Variants in MTMR7 observed in about 807,000 individuals in gnomAD.
MTMR7 encodes the protein myotubularin related protein 7, also known as phosphatidylinositol-3-phosphate phosphatase MTMR7.
A neutral mutation model predicts 81.2 loss-of-function variants in MTMR7; 76 were observed. That is an observed-to-expected ratio of 0.94 (90% confidence interval 0.78 to 1.13). The LOEUF is 1.13. Among genes scored for constraint, MTMR7 ranks in the 50% most tolerant of loss-of-function variants. The pLI is 0.00. For synonymous variants in MTMR7, 372 were observed against 289.8 expected, an observed-to-expected ratio of 1.28 and a Z score of -2.88; for missense variants, 1,044 against 820.0, an observed-to-expected ratio of 1.27 and a Z score of -3.34.
chr8:17,316,438 C>CAG (rs1178470341), intron 7 of MTMR7, among the ~76,000 whole-genome samples: 37 of 149,662 alleles, frequency 2.5e-4, no homozygotes, highest in African/African-American at 9.2e-4. Context: ...TTGTTCCCTC[C>CAG]TTTTCAATAT....
At chr8:17,320,810 G>A (rs945285336) in intron 7 of MTMR7, among the ~76,000 whole-genome samples, 1 of 152,184 alleles carries the variant, frequency 6.6e-6, no homozygotes, top group Non-Finnish European at 1.5e-5. Context: ...TGGAAAGCAT[G>A]GCAAATTCCA....
At chr8:17,351,591 C>T (rs541852388) in intron 4 of MTMR7, among the ~76,000 whole-genome samples, 14 of 152,330 alleles carry the variant, frequency 9.2e-5, no homozygotes, top group Admixed American at 2.0e-4. Flanking sequence ...CAACAACCTG[C>T]GCCCAGTCAC....
intron 11 of MTMR7, among the ~76,000 whole-genome samples, 166 bp from the exon 12 acceptor site, chr8:17,304,685 G>A (rs1037937568): frequency 1.3e-5 from 2 of 151,336 alleles, no homozygotes; most frequent in African/African-American, 4.9e-5. Context: ...TATAGAGGGA[G>A]AACACTGTAA....
intron 11 of MTMR7, among the ~76,000 whole-genome samples, chr8:17,304,827 T>G (rs535708133): frequency 6.6e-6 from 1 of 151,864 alleles, no homozygotes; most frequent in Admixed American, 6.6e-5. Context: ...ATTTATAATT[T>G]GTCACACACT....
rs190150652 is a variant in MTMR7 at position 17,299,517 on chromosome 8, G to A, written c.*345C>T. The A allele has an allele frequency of 7.1e-4, 144 of 203,834 alleles. No individual in the cohort carries two copies. The highest frequency in any genetic ancestry group is 3.1e-3 in the African/African-American group (136 of 43,420). 12.6% of individuals were successfully genotyped at this position (203,834 alleles called of 1,614,324 possible). ...ATGATGATCACAGATGTGAGGGAAA[G>A]GAGTGGAGGCTTTTTGAGAGATGCA... On this transcript the variant is annotated 3_prime_UTR_variant, in exon 14 of 14. Transcript: ENST00000180173.
At chr8:17,362,223 G>T (rs1820081929) in intron 3 of MTMR7, among the ~76,000 whole-genome samples, 1 of 152,046 alleles carries the variant, frequency 6.6e-6, no homozygotes. Context: ...TTCAACATGT[G>T]CATGATATAA....
chr8:17,383,129 A>G (rs1023407616), intron 1 of MTMR7, among the ~76,000 whole-genome samples: 1 of 151,996 alleles, frequency 6.6e-6, no homozygotes, highest in African/African-American at 2.4e-5. Flanking sequence ...CTTAGATACC[A>G]AGGTTGGGAG....
At position 17,413,149 on chromosome 8, in the gene MTMR7, C is replaced by A. The variant is rs1356046794; in HGVS notation, c.24+120G>T. On this transcript the variant is annotated intron_variant, in intron 1 of 13. Transcript: ENST00000180173. Reference sequence around the variant, plus strand: ...TCAGGCAATGCCTGCTCCTCCCTCGCCCGCGGTCCAGGCTCCGCCGGTGCC... The same window carrying A: ...TCAGGCAATGCCTGCTCCTCCCTCGACCGCGGTCCAGGCTCCGCCGGTGCC... The A allele has an allele frequency of 2.5e-6, 3 of 1,183,068 alleles. No homozygotes were observed. In the South Asian group the frequency reaches 3.9e-5, roughly 16 times the overall value. The allele number at this position is 1,183,068 out of a possible 1,614,324, so 73.3% of individuals were successfully genotyped here.
intron 1 of MTMR7, 70 bp downstream of exon 1, chr8:17,413,199 C>A: frequency 2.6e-6 from 4 of 1,514,510 alleles, no homozygotes; most frequent in Non-Finnish European, 3.6e-6. Context: ...GCCTCCCGCG[C>A]GCTCAGCATC....
chr8:17,335,441 G>A (rs74640517), intron 6 of MTMR7, among the ~76,000 whole-genome samples: 1,797 of 152,292 alleles, frequency 0.012, 36 homozygotes, highest in East Asian at 0.074. Flanking sequence ...CTCAGTCTGT[G>A]TTCATCTTGG....
At chr8:17,315,959 G>C (rs969884431) in intron 7 of MTMR7, among the ~76,000 whole-genome samples, 1 of 152,184 alleles carries the variant, frequency 6.6e-6, no homozygotes, top group Non-Finnish European at 1.5e-5. Context: ...GCTGCAGTGA[G>C]CTATGATCTT....
chr8:17,321,804 T>C (rs1818401206), intron 7 of MTMR7, among the ~76,000 whole-genome samples: 1 of 152,238 alleles, frequency 6.6e-6, no homozygotes, highest in African/African-American at 2.4e-5. Flanking sequence ...GGTCTAGTGA[T>C]ATTTGTTTTA....
intron 2 of MTMR7, among the ~76,000 whole-genome samples, chr8:17,372,457 G>T (rs1030321756): frequency 1.3e-5 from 2 of 151,972 alleles, no homozygotes; most frequent in Non-Finnish European, 2.9e-5. Flanking sequence ...GCGTGGTGGC[G>T]CGTGACTGTA....
intron 1 of MTMR7, among the ~76,000 whole-genome samples, chr8:17,411,514 T>C (rs1037646606): frequency 5.9e-5 from 9 of 152,208 alleles, no homozygotes; most frequent in Admixed American, 4.6e-4. Flanking sequence ...TAGAATAAAA[T>C]AAATGAATAA....
chr8:17,391,926 A>C (rs542516462), intron 1 of MTMR7, among the ~76,000 whole-genome samples: 1 of 152,210 alleles, frequency 6.6e-6, no homozygotes, highest in South Asian at 2.1e-4. Context: ...AAGTACTTTT[A>C]CTCCCAGAGG....
At chr8:17,401,077 T>A (rs1162713948) in intron 1 of MTMR7, among the ~76,000 whole-genome samples, 1 of 152,018 alleles carries the variant, frequency 6.6e-6, no homozygotes, top group African/African-American at 2.4e-5. Flanking sequence ...CCTTTGCAAT[T>A]CGGGGGATAC....
At chr8:17,317,831 C>T (rs780460682) in intron 7 of MTMR7, among the ~76,000 whole-genome samples, 2 of 152,140 alleles carry the variant, frequency 1.3e-5, no homozygotes, top group African/African-American at 2.4e-5. Context: ...TTACTTATCA[C>T]TCATCCATTT....
intron 1 of MTMR7, among the ~76,000 whole-genome samples, chr8:17,388,741 G>C (rs200238958): frequency 6.8e-6 from 1 of 148,122 alleles, no homozygotes; most frequent in African/African-American, 2.4e-5. Context: ...GGCACAGAGA[G>C]ACCCAAGTCT....
intron 1 of MTMR7, among the ~76,000 whole-genome samples, chr8:17,380,270 AAAC>A (rs998545947): frequency 7.2e-5 from 11 of 152,206 alleles, no homozygotes; most frequent in African/African-American, 2.4e-4. Context: ...ATAACAATAA[AAAC>A]AATAACAAAT....
Sources: gnomAD v4.1 joint callset for allele counts (sites outside exome capture counted in the v4.1 genomes callset) on GRCh38, gnomAD v4.1.1 for gene constraint, MANE v1.5 for transcripts, NCBI Gene and HGNC (gene_info 2026-07-23, HGNC 2026-07-21) for gene names.